Variants in USH2A observed in about 807,000 individuals in gnomAD.
The protein encoded by USH2A is usherin.
A neutral mutation model predicts 538.9 loss-of-function variants in USH2A; 443 were observed. That is an observed-to-expected ratio of 0.82 (90% CI 0.76 to 0.89). USH2A has a LOEUF of 0.89. USH2A is among the 40% of genes least tolerant of loss of function. The probability of loss-of-function intolerance (pLI) is 0.00; values close to 1 mark genes in which losing one functional copy is unlikely to be tolerated. For missense variants in USH2A, 6,633 were observed against 6,324.8 expected (o/e 1.05, Z -1.65); for synonymous variants, 2,413 against 2,273.5 (o/e 1.06, Z -1.75).
intron 20 of USH2A, among the ~76,000 whole-genome samples, chr1:216,175,918 G>A (rs561983618): frequency 1.3e-5 from 2 of 152,024 alleles, no homozygotes; most frequent in Admixed American, 1.3e-4. Context: ...GGCTGAGTAA[G>A]AGCTGCCTCA....
chr1:216,296,216 T>G (rs1253334133), intron 9 of USH2A, among the ~76,000 whole-genome samples: 1 of 152,088 alleles, frequency 6.6e-6, no homozygotes, highest in African/African-American at 2.4e-5. Flanking sequence ...TTTTAATAAT[T>G]GGTAAAAAAT....
chr1:215,814,441 A>T (rs1437374373), intron 48 of USH2A, among the ~76,000 whole-genome samples: 1 of 151,910 alleles, frequency 6.6e-6, no homozygotes, highest in East Asian at 1.9e-4. Context: ...ACAACAGAAG[A>T]AGTTAATTAA....
chr1:216,011,082 A>T (rs986975156), intron 32 of USH2A, among the ~76,000 whole-genome samples: 1 of 151,922 alleles, frequency 6.6e-6, no homozygotes, highest in African/African-American at 2.4e-5. Context: ...TCTCCTTACA[A>T]TTCCCCCATT....
At chr1:216,171,023 T>C (rs187660556) in intron 21 of USH2A, among the ~76,000 whole-genome samples, 1 of 152,146 alleles carries the variant, frequency 6.6e-6, no homozygotes, top group Non-Finnish European at 1.5e-5. Flanking sequence ...TTCTGCTTTT[T>C]TTATAACATC....
At chr1:215,895,466 T>C (rs780311673) in intron 40 of USH2A, among the ~76,000 whole-genome samples, 8 of 152,190 alleles carry the variant, frequency 5.3e-5, no homozygotes, top group Non-Finnish European at 1.2e-4. Context: ...TGTAGAATTA[T>C]GTCAGGCAAC....
At chr1:215,671,926 C>T (rs1657830121) in intron 63 of USH2A, among the ~76,000 whole-genome samples, 1 of 152,122 alleles carries the variant, frequency 6.6e-6, no homozygotes, top group Admixed American at 6.5e-5. Flanking sequence ...CACCTGATAC[C>T]TAACAGCTTA....
chr1:216,050,788 G>T (rs1041757781), intron 30 of USH2A, among the ~76,000 whole-genome samples: 4 of 150,900 alleles, frequency 2.7e-5, no homozygotes, highest in Non-Finnish European at 5.9e-5. Context: ...TGTATTTTTA[G>T]TAGAGATGGG....
chr1:215,992,943 A>T, intron 35 of USH2A, 77 bp downstream of exon 35: 1 of 1,598,564 alleles, frequency 6.3e-7, no homozygotes. Flanking sequence ...TAAGCACCAC[A>T]TATAAGCTGC....
chr1:216,094,461 T>A (rs1271677418), intron 22 of USH2A, among the ~76,000 whole-genome samples: 1 of 152,186 alleles, frequency 6.6e-6, no homozygotes, highest in Non-Finnish European at 1.5e-5. Context: ...AACAAATGAT[T>A]ATTCACGTTT....
intron 19 of USH2A, among the ~76,000 whole-genome samples, chr1:216,193,484 G>A (rs1269456322): frequency 6.6e-6 from 1 of 152,066 alleles, no homozygotes; most frequent in Admixed American, 6.6e-5. Context: ...GAAAAAAATG[G>A]CAAACCTATT....
At chr1:215,842,699 C>G (rs1346651805) in intron 46 of USH2A, among the ~76,000 whole-genome samples, 1 of 151,936 alleles carries the variant, frequency 6.6e-6, no homozygotes, top group Non-Finnish European at 1.5e-5. Flanking sequence ...CCTCAGCAAA[C>G]TAACACAGGA....
chr1:216,128,412 G>C (rs1225674537), intron 21 of USH2A, among the ~76,000 whole-genome samples: 1 of 151,718 alleles, frequency 6.6e-6, no homozygotes, highest in East Asian at 1.9e-4. Context: ...CAAGACAACT[G>C]GTTACCAAAA....
At chr1:215,742,659 T>G (rs1660338455) in intron 59 of USH2A, among the ~76,000 whole-genome samples, 1 of 152,112 alleles carries the variant, frequency 6.6e-6, no homozygotes, top group Non-Finnish European at 1.5e-5. Flanking sequence ...ACAACACAGA[T>G]ACATGAAAAT....
chr1:215,737,101 T>C (rs953513825), intron 60 of USH2A, among the ~76,000 whole-genome samples: 1 of 151,970 alleles, frequency 6.6e-6, no homozygotes, highest in Non-Finnish European at 1.5e-5. Flanking sequence ...ATGATACACA[T>C]CCATATAACA....
intron 69 of USH2A, among the ~76,000 whole-genome samples, chr1:215,637,937 T>C (rs1656549440): frequency 6.6e-6 from 1 of 152,238 alleles, no homozygotes; most frequent in South Asian, 2.1e-4. Context: ...GGCATTTCTC[T>C]AATTTGCTTT....
At chr1:216,139,611 T>C (rs2033561340) in intron 21 of USH2A, among the ~76,000 whole-genome samples, 1 of 152,140 alleles carries the variant, frequency 6.6e-6, no homozygotes, top group Non-Finnish European at 1.5e-5. Flanking sequence ...ATAGTGTTGA[T>C]GTTTATTTAG....
Position 215,775,157 on chromosome 1 carries a change from T to C in USH2A, c.10939+4686A>G, listed in dbSNP as rs377698611. 7.9e-5 allele frequency among the ~76,000 whole-genome samples: 12 copies of C among 152,308 alleles called. No homozygotes were observed. In the South Asian group the frequency reaches 2.5e-3, roughly 32 times the overall value. The stretch of plus-strand genomic sequence containing the variant: ...ATCTGTTTTAATTAAAGAAATATAC[T>C]GCAGCTAATTCCAGACTGCTGGAGA... On this transcript the variant is annotated intron_variant, in intron 55 of 71. Transcript: ENST00000307340.
intron 36 of USH2A, among the ~76,000 whole-genome samples, chr1:215,967,514 TG>T (rs1667379082): frequency 1.3e-5 from 2 of 152,096 alleles, no homozygotes; most frequent in Admixed American, 1.3e-4. Flanking sequence ...CAGAAATTTG[TG>T]TAAGTTATAT....
At chr1:216,166,768 T>C (rs2034176916) in intron 21 of USH2A, among the ~76,000 whole-genome samples, 2 of 152,072 alleles carry the variant, frequency 1.3e-5, no homozygotes, top group South Asian at 2.1e-4. Context: ...AGGAAAAAAA[T>C]GAAGGGAAGA....
Sources: allele counts gnomAD v4.1 joint callset (sites outside exome capture counted in the v4.1 genomes callset), GRCh38; gene constraint gnomAD v4.1.1; transcripts MANE v1.5; gene names NCBI Gene and HGNC (gene_info 2026-07-23, HGNC 2026-07-21).